PLCB4: variants seen among roughly 807,000 people sequenced by gnomAD.
The protein encoded by PLCB4 is 1-phosphatidylinositol 4,5-bisphosphate phosphodiesterase beta-4.
In PLCB4, 77 loss-of-function variants were observed where a neutral mutation model predicts 178.8. The observed-to-expected ratio is 0.43, with a 90% confidence interval of 0.36 to 0.52. PLCB4 has a LOEUF of 0.52. Ranked by LOEUF, PLCB4 falls within the 20% of genes least tolerant of loss-of-function variation. The pLI is 0.00. For missense variants in PLCB4, 1,024 were observed against 1,453.4 expected (o/e 0.70, Z 4.80); for synonymous variants, 496 against 490.8 (o/e 1.01, Z -0.14).
intron 35 of PLCB4, among the ~76,000 whole-genome samples, chr20:9,461,301 G>A (rs187415443): frequency 6.6e-6 from 1 of 152,202 alleles, no homozygotes; most frequent in African/African-American, 2.4e-5. Flanking sequence ...CAAGATGGCT[G>A]AATAAGAACA....
intron 4 of PLCB4, among the ~76,000 whole-genome samples, chr20:9,323,011 A>C (rs571347431): frequency 1.3e-5 from 2 of 152,350 alleles, no homozygotes; most frequent in African/African-American, 4.8e-5. Flanking sequence ...TTTTTTAAAA[A>C]TGGAAGTCAG....
At chr20:9,095,642 G>A (rs924913260) in intron 1 of PLCB4, among the ~76,000 whole-genome samples, 1 of 152,114 alleles carries the variant, frequency 6.6e-6, no homozygotes, top group Non-Finnish European at 1.5e-5. Context: ...GTGACTAGTA[G>A]GTTTCTGTGT....
chr20:9,477,523 C>A (rs1008473163), intron 39 of PLCB4, among the ~76,000 whole-genome samples: 1 of 152,130 alleles, frequency 6.6e-6, no homozygotes, highest in Admixed American at 6.6e-5. Context: ...ATTTACCGAA[C>A]TTGGAAGTAT....
chr20:9,460,787 A>C (rs1409362787), intron 35 of PLCB4, among the ~76,000 whole-genome samples: 1 of 152,236 alleles, frequency 6.6e-6, no homozygotes, highest in Non-Finnish European at 1.5e-5. Flanking sequence ...CTGCATGCCC[A>C]AATTCCCAAC....
chr20:9,323,653 A>G (rs905283503), intron 4 of PLCB4, among the ~76,000 whole-genome samples: 6 of 152,230 alleles, frequency 3.9e-5, no homozygotes, highest in South Asian at 2.1e-4. Context: ...TGTGGCAGCT[A>G]TGGAGGTGTG....
chr20:9,276,344 T>G lies in PLCB4; in HGVS notation c.-15-31456T>G, dbSNP rs528134547. Among the ~76,000 whole-genome samples, 10 of 152,108 alleles carry G rather than the reference T, an allele frequency of 6.6e-5. No homozygotes were observed. In the South Asian group the frequency reaches 1.9e-3, roughly 28 times the overall value. On this transcript the variant is annotated intron_variant, in intron 3 of 39. Transcript: ENST00000378473. The stretch of plus-strand genomic sequence containing the variant: ...GGATATTTTATGGGCCATGCCCAGA[T>G]GCGATACAGCTACTTCCAATCACAT...
chr20:9,109,136 C>A (rs763103635), intron 2 of PLCB4, among the ~76,000 whole-genome samples: 1 of 152,016 alleles, frequency 6.6e-6, no homozygotes, highest in Non-Finnish European at 1.5e-5. Flanking sequence ...CAATATAGCA[C>A]GATCTTCAGA....
intron 28 of PLCB4, among the ~76,000 whole-genome samples, chr20:9,434,927 T>A (rs2148637151): frequency 6.6e-6 from 1 of 152,312 alleles, no homozygotes; most frequent in South Asian, 2.1e-4. Flanking sequence ...CACGATTATA[T>A]GAAACTCTGA....
chr20:9,097,753 G>A (rs557396920), intron 2 of PLCB4, among the ~76,000 whole-genome samples: 5 of 152,168 alleles, frequency 3.3e-5, no homozygotes, highest in Admixed American at 3.3e-4. Flanking sequence ...CTCTGACAGA[G>A]CTCACCAAGC....
chr20:9,363,944 T>C (rs901793237), intron 8 of PLCB4, among the ~76,000 whole-genome samples: 1 of 152,206 alleles, frequency 6.6e-6, no homozygotes, highest in African/African-American at 2.4e-5. Context: ...GTGTGGTCTC[T>C]AGGCTATAAA....
At chr20:9,394,318 T>C (rs16995830) in intron 18 of PLCB4, among the ~76,000 whole-genome samples, 2,793 of 152,222 alleles carry the variant, frequency 0.018, 96 homozygotes, top group African/African-American at 0.062. Flanking sequence ...AAAGCAATAA[T>C]GCCATAGAAA....
chr20:9,327,379 T>A (rs1398300983), intron 4 of PLCB4, among the ~76,000 whole-genome samples: 2 of 149,532 alleles, frequency 1.3e-5, no homozygotes, highest in Non-Finnish European at 3.0e-5. Flanking sequence ...CGCAGGAGTT[T>A]GAGGCTGCGG....
chr20:9,247,421 A>G (rs1008891411), intron 3 of PLCB4, among the ~76,000 whole-genome samples: 1 of 152,230 alleles, frequency 6.6e-6, no homozygotes, highest in East Asian at 1.9e-4. Flanking sequence ...TGTATAACAT[A>G]GCACCTAAGA....
intron 1 of PLCB4, among the ~76,000 whole-genome samples, chr20:9,082,641 A>G (rs1419762110): frequency 6.6e-6 from 1 of 152,166 alleles, no homozygotes; most frequent in Non-Finnish European, 1.5e-5. Flanking sequence ...TTTTCAGAAA[A>G]CACTTCATGA....
intron 25 of PLCB4, among the ~76,000 whole-genome samples, chr20:9,415,182 GT>G (rs1217643071): frequency 6.6e-6 from 1 of 152,120 alleles, no homozygotes; most frequent in East Asian, 1.9e-4. Flanking sequence ...TGGATATTCT[GT>G]TTTGTGAAGA....
Position 9,081,229 on chromosome 20 carries a change from C to T in PLCB4, c.-135+12023C>T, listed in dbSNP as rs551508701. On this transcript the variant is annotated intron_variant, in intron 1 of 39. Transcript: ENST00000378473. Reference sequence around the variant, plus strand: ...CCGTTGACTCCATTCTCCAAACCAGCTAAAGTAATTTGCACAAAACAAATC... The same window carrying T: ...CCGTTGACTCCATTCTCCAAACCAGTTAAAGTAATTTGCACAAAACAAATC... Among the ~76,000 whole-genome samples, 9 of 152,340 alleles carry T rather than the reference C, an allele frequency of 5.9e-5. No individual in the cohort carries two copies. The South Asian group carries it at 1.9e-3, about 32-fold the overall frequency.
chr20:9,458,565 A>G (rs1481164491), intron 34 of PLCB4, among the ~76,000 whole-genome samples: 5 of 152,170 alleles, frequency 3.3e-5, no homozygotes, highest in Admixed American at 1.3e-4. Flanking sequence ...ACACTTGTGT[A>G]TCTACTGTCA....
chr20:9,131,896 C>T (rs1372582725), intron 2 of PLCB4, among the ~76,000 whole-genome samples: 1 of 152,110 alleles, frequency 6.6e-6, no homozygotes, highest in Admixed American at 6.5e-5. Context: ...CTTGATGCTA[C>T]ATAAATGTTT....
chr20:9,102,497 GT>G (rs2091195078), intron 2 of PLCB4, among the ~76,000 whole-genome samples: 1 of 152,074 alleles, frequency 6.6e-6, no homozygotes, highest in African/African-American at 2.4e-5. Context: ...GGGATTTAAT[GT>G]TTTTGCTTTT....
Sources: allele counts gnomAD v4.1 joint callset (sites outside exome capture counted in the v4.1 genomes callset), GRCh38; gene constraint gnomAD v4.1.1; transcripts MANE v1.5; gene names NCBI Gene and HGNC (gene_info 2026-07-23, HGNC 2026-07-21).